DLG2: variants seen among roughly 807,000 people sequenced by gnomAD.
The protein encoded by DLG2 is discs large MAGUK scaffold protein 2.
Under a neutral mutation model 132.5 loss-of-function variants are expected in DLG2, and 45 were observed. The observed-to-expected ratio is 0.34, with a 90% CI of 0.27 to 0.44. The LOEUF (loss-of-function observed/expected upper bound fraction) is 0.44, where lower values mean the gene tolerates loss of function less well. DLG2 is among the 20% of genes least tolerant of loss of function. The pLI is 1.00. For missense variants in DLG2, 1,045 were observed against 1,196.9 expected (o/e 0.87, Z 1.87); for synonymous variants, 424 against 419.6 (o/e 1.01, Z -0.13).
Position 85,523,525 on chromosome 11 carries a change from A to C in DLG2, c.40+75132T>G, listed in dbSNP as rs897725784. ...ATCAGAGAAATGAAAATCAAACTACAATAAGTTATCATCTCCCCCATTAAA... is the reference window on the plus strand; with the variant it reads ...ATCAGAGAAATGAAAATCAAACTACCATAAGTTATCATCTCCCCCATTAAA... On this transcript the variant is annotated intron_variant, in intron 3 of 27. Coordinates refer to ENST00000376104, the MANE Select transcript of DLG2 (RefSeq NM_001142699.3). Among the ~76,000 whole-genome samples, 4 of 152,196 alleles carry C rather than the reference A, an allele frequency of 2.6e-5. No individual in the cohort carries two copies. In the South Asian group the frequency reaches 8.3e-4, roughly 32 times the overall value.
At chr11:84,554,563 A>G (rs567452180) in intron 6 of DLG2, among the ~76,000 whole-genome samples, 62 of 152,236 alleles carry the variant, frequency 4.1e-4, no homozygotes, top group Middle Eastern at 6.8e-3. Context: ...CCTGACCAAC[A>G]TGGAGAAATC....
chr11:83,882,510 T>C (rs1350101086), intron 15 of DLG2, among the ~76,000 whole-genome samples: 1 of 152,244 alleles, frequency 6.6e-6, no homozygotes, highest in East Asian at 1.9e-4. Flanking sequence ...AATGTGCTTT[T>C]ACTTTATATT....
intron 10 of DLG2, among the ~76,000 whole-genome samples, chr11:84,063,530 G>T (rs1419070952): frequency 1.9e-5 from 1 of 52,410 alleles, no homozygotes; most frequent in Non-Finnish European, 8.3e-5. Context: ...CTCTCTCAAG[G>T]TACTAAATAT....
chr11:85,087,625 T>G (rs1048269117), intron 6 of DLG2, among the ~76,000 whole-genome samples: 3 of 150,616 alleles, frequency 2.0e-5, no homozygotes, highest in Non-Finnish European at 3.0e-5. Flanking sequence ...GATCATGAGG[T>G]CAGGAGATCG....
intron 8 of DLG2, among the ~76,000 whole-genome samples, chr11:84,169,341 A>G (rs953441358): frequency 1.3e-5 from 2 of 152,240 alleles, no homozygotes; most frequent in Non-Finnish European, 2.9e-5. Flanking sequence ...GATAGCTATT[A>G]TTATTAGTTC....
At chr11:83,768,671 G>A (rs2094248527) in intron 18 of DLG2, among the ~76,000 whole-genome samples, 1 of 152,210 alleles carries the variant, frequency 6.6e-6, no homozygotes, top group Non-Finnish European at 1.5e-5. Context: ...CCCAGGGCTT[G>A]GCAGCACAAC....
intron 6 of DLG2, among the ~76,000 whole-genome samples, chr11:84,863,672 G>A (rs1022380351): frequency 6.6e-6 from 1 of 152,100 alleles, no homozygotes; most frequent in Non-Finnish European, 1.5e-5. Flanking sequence ...AGGCAAGGAA[G>A]GAGCTTAGAC....
At chr11:84,825,464 T>G (rs2078218575) in intron 6 of DLG2, among the ~76,000 whole-genome samples, 1 of 151,954 alleles carries the variant, frequency 6.6e-6, no homozygotes, top group South Asian at 2.1e-4. Context: ...ACACCATCTC[T>G]GAGAAATGAA....
chr11:84,416,729 A>G (rs1272342483), intron 7 of DLG2, among the ~76,000 whole-genome samples: 1 of 152,240 alleles, frequency 6.6e-6, no homozygotes, highest in Non-Finnish European at 1.5e-5. Context: ...CACTTCTGCT[A>G]AAGATTAAAT....
intron 9 of DLG2, among the ~76,000 whole-genome samples, chr11:84,147,645 C>A (rs1462197093): frequency 6.6e-6 from 1 of 152,020 alleles, no homozygotes; most frequent in African/African-American, 2.4e-5. Flanking sequence ...GGACAGATTC[C>A]ACTTATATAC....
intron 18 of DLG2, among the ~76,000 whole-genome samples, chr11:83,753,239 A>G (rs1210502949): frequency 1.3e-5 from 2 of 152,046 alleles, no homozygotes; most frequent in Admixed American, 6.6e-5. Context: ...CCTGGCCAAC[A>G]TGGAGAAACT....
At chr11:84,163,413 T>A (rs2095591307) in intron 9 of DLG2, 48 bp downstream of exon 9, 1 of 1,503,322 alleles carries the variant, frequency 6.7e-7, no homozygotes, top group African/African-American at 1.4e-5. Flanking sequence ...TAGAATAGAA[T>A]GTGAAATGCA....
intron 6 of DLG2, among the ~76,000 whole-genome samples, chr11:85,082,724 T>C (rs1439733047): frequency 4.7e-5 from 7 of 147,666 alleles, no homozygotes; most frequent in African/African-American, 1.7e-4. Flanking sequence ...ACATGGTTTT[T>C]TCTTTTCTTT....
chr11:84,573,906 T>C (rs1159901014), intron 6 of DLG2, among the ~76,000 whole-genome samples: 2 of 152,230 alleles, frequency 1.3e-5, no homozygotes, highest in Non-Finnish European at 2.9e-5. Context: ...AGAAGAACTA[T>C]GAAGACTTCT....
rs865860411 is a variant in DLG2 at position 85,138,607 on chromosome 11, G to C, written c.282+15949C>G. On this transcript the variant is annotated intron_variant, in intron 5 of 27. Transcript: ENST00000376104. ...GAATTCTATCTCCCAGAATTCCCAC[G>C]TCGTGGGAGGGACCCACGGGAAGTA... Among the ~76,000 whole-genome samples, 6 of 152,044 alleles carry C rather than the reference G, an allele frequency of 3.9e-5. No homozygotes were observed. In the East Asian group the frequency reaches 1.2e-3, roughly 29 times the overall value.
intron 3 of DLG2, among the ~76,000 whole-genome samples, chr11:85,291,021 A>G (rs913382944): frequency 6.6e-6 from 1 of 152,282 alleles, no homozygotes; most frequent in East Asian, 1.9e-4. Flanking sequence ...TATTTCCTCA[A>G]AAGACACTTA....
At chr11:85,463,534 T>C (rs1396853672) in intron 3 of DLG2, among the ~76,000 whole-genome samples, 2 of 152,162 alleles carry the variant, frequency 1.3e-5, no homozygotes, top group Non-Finnish European at 2.9e-5. Flanking sequence ...ATCCCAGCTC[T>C]TTGGGAGGCC....
At chr11:85,341,935 A>G (rs2082530992) in intron 3 of DLG2, among the ~76,000 whole-genome samples, 1 of 152,228 alleles carries the variant, frequency 6.6e-6, no homozygotes, top group African/African-American at 2.4e-5. Flanking sequence ...AAAAGATACA[A>G]TAAACATATG....
chr11:83,744,350 G>C (rs2092752736), intron 18 of DLG2, among the ~76,000 whole-genome samples: 1 of 152,082 alleles, frequency 6.6e-6, no homozygotes, highest in Admixed American at 6.6e-5. Context: ...TTTCCCATAT[G>C]CACTCTGATT....
Sources: allele counts gnomAD v4.1 joint callset (sites outside exome capture counted in the v4.1 genomes callset), GRCh38; gene constraint gnomAD v4.1.1; transcripts MANE v1.5; gene names NCBI Gene and HGNC (gene_info 2026-07-23, HGNC 2026-07-21).